Variants in MAP3K5 observed in about 807,000 individuals in gnomAD.
MAP3K5 encodes the protein ASK-1.
In MAP3K5, 56 loss-of-function variants were observed where a neutral mutation model predicts 158.7. The ratio of observed to expected loss-of-function variants is 0.35; its 90% CI spans 0.28 to 0.44. The LOEUF (loss-of-function observed/expected upper bound fraction) is 0.44. MAP3K5 is among the 20% of genes least tolerant of loss of function. The pLI is 1.00. For missense variants in MAP3K5, 1,294 were observed against 1,674.8 expected (o/e 0.77, Z 3.97); for synonymous variants, 579 against 601.7 (o/e 0.96, Z 0.55).
chr6:136,590,392 A>C (rs563185698), intron 23 of MAP3K5, among the ~76,000 whole-genome samples: 4 of 152,224 alleles, frequency 2.6e-5, no homozygotes, highest in Non-Finnish European at 4.4e-5. Flanking sequence ...TTCAGAGTAC[A>C]TATGGCCTTC....
intron 23 of MAP3K5, among the ~76,000 whole-genome samples, chr6:136,588,391 C>T (rs1367665151): frequency 6.6e-6 from 1 of 152,154 alleles, no homozygotes; most frequent in Non-Finnish European, 1.5e-5. Context: ...GCTAATAGAA[C>T]TATTGGTATA....
chr6:136,721,683 C>A (rs1781752110), intron 1 of MAP3K5, among the ~76,000 whole-genome samples: 1 of 152,108 alleles, frequency 6.6e-6, no homozygotes, highest in African/African-American at 2.4e-5. Flanking sequence ...CGAACATGCT[C>A]CAAGTACATT....
chr6:136,635,009 T>G (rs1777553274), intron 14 of MAP3K5, among the ~76,000 whole-genome samples: 1 of 151,838 alleles, frequency 6.6e-6, no homozygotes, highest in Non-Finnish European at 1.5e-5. Flanking sequence ...CTCAGCCTCC[T>G]GAGTAGCTGA....
intron 6 of MAP3K5, among the ~76,000 whole-genome samples, chr6:136,695,060 AG>A (rs1334763366): frequency 6.6e-6 from 1 of 152,036 alleles, no homozygotes; most frequent in African/African-American, 2.4e-5. Context: ...GGGAAATGGA[AG>A]GGGGGCTGCT....
chr6:136,611,396 CA>C lies in MAP3K5; in HGVS notation c.2416-10del. The C allele has an allele frequency of 6.7e-7, 1 of 1,488,264 alleles. No homozygotes were observed. Among genetic ancestry groups the C allele is most frequent in the Non-Finnish European group, 9.4e-7 (1 of 1,067,632 alleles). 92.2% of individuals were successfully genotyped at this position (1,488,264 alleles called of 1,614,324 possible). The stretch of plus-strand genomic sequence containing the variant: ...ATCAACACATTGTCACCCTAGAGAA[CA>C]GAGGACTTTAATCACAATTGTTATC... On this transcript the variant is annotated splice_polypyrimidine_tract_variant and intron_variant, in intron 17 of 29. Coordinates refer to ENST00000359015, the MANE Select transcript of MAP3K5 (RefSeq NM_005923.4).
At chr6:136,666,282 A>T (rs913093470) in intron 8 of MAP3K5, among the ~76,000 whole-genome samples, 2 of 152,244 alleles carry the variant, frequency 1.3e-5, no homozygotes. Flanking sequence ...CATGACAGTT[A>T]AGAATCATTT....
intron 7 of MAP3K5, among the ~76,000 whole-genome samples, chr6:136,675,749 G>T (rs886912908): frequency 7.2e-5 from 11 of 151,938 alleles, no homozygotes; most frequent in African/African-American, 2.2e-4. Flanking sequence ...AAGTAGAAGG[G>T]TATAATAAAG....
intron 26 of MAP3K5, among the ~76,000 whole-genome samples, chr6:136,562,901 C>T (rs1830581867): frequency 7.0e-6 from 1 of 142,738 alleles, no homozygotes; most frequent in South Asian, 2.2e-4. Flanking sequence ...GGTCTCTGAA[C>T]TCCTGGCCTC....
At chr6:136,738,944 A>G (rs1224955600) in intron 1 of MAP3K5, among the ~76,000 whole-genome samples, 1 of 34,638 alleles carries the variant, frequency 2.9e-5, no homozygotes, top group Admixed American at 2.0e-4. Context: ...ACACGCGTGC[A>G]CACACACACA....
In MAP3K5 at chr6:136,720,597, C is replaced by G; in HGVS notation, c.449-8G>C. Reference sequence around the variant, plus strand: ...TCTCCACCACCGCAATATCTGCAAACAGAAAACAAAGTCCCCCAAAGAATG... The same window carrying G: ...TCTCCACCACCGCAATATCTGCAAAGAGAAAACAAAGTCCCCCAAAGAATG... On this transcript the variant is annotated splice_polypyrimidine_tract_variant and splice_region_variant and intron_variant, in intron 1 of 29. Coordinates refer to ENST00000359015, the MANE Select transcript of MAP3K5 (RefSeq NM_005923.4). The G allele has an allele frequency of 1.2e-6, 2 of 1,602,284 alleles. No homozygotes were observed. The highest frequency in any genetic ancestry group is 1.7e-6 in the Non-Finnish European group (2 of 1,174,728).
intron 3 of MAP3K5, among the ~76,000 whole-genome samples, chr6:136,699,655 G>C (rs149327121): frequency 6.6e-6 from 1 of 152,338 alleles, no homozygotes; most frequent in Non-Finnish European, 1.5e-5. Flanking sequence ...GAGCAGGGAT[G>C]AAAGTGGAAA....
At chr6:136,641,821 C>T (rs958226157) in intron 12 of MAP3K5, among the ~76,000 whole-genome samples, 1 of 151,124 alleles carries the variant, frequency 6.6e-6, no homozygotes, top group Non-Finnish European at 1.5e-5. Flanking sequence ...AACCCTGTCT[C>T]TACTAAAATT....
intron 1 of MAP3K5, among the ~76,000 whole-genome samples, chr6:136,773,409 C>G (rs1784289383): frequency 6.6e-6 from 1 of 152,210 alleles, no homozygotes; most frequent in African/African-American, 2.4e-5. Flanking sequence ...ACCTGCTTTC[C>G]TGAAACTGCT....
chr6:136,604,151 G>A (rs192190763), intron 19 of MAP3K5, among the ~76,000 whole-genome samples: 178 of 152,082 alleles, frequency 1.2e-3, no homozygotes, highest in African/African-American at 3.7e-3. Flanking sequence ...GTGAAACCCC[G>A]TCTGTACTAA....
chr6:136,681,492 G>A (rs957298955), intron 7 of MAP3K5, among the ~76,000 whole-genome samples: 1 of 152,134 alleles, frequency 6.6e-6, no homozygotes, highest in African/African-American at 2.4e-5. Flanking sequence ...AAAATTAGCT[G>A]AGTGGTGGTG....
intron 2 of MAP3K5, among the ~76,000 whole-genome samples, chr6:136,707,851 A>G (rs1395190237): frequency 6.6e-6 from 1 of 152,264 alleles, no homozygotes; most frequent in Non-Finnish European, 1.5e-5. Context: ...TAGTACCTCC[A>G]TACACTGGAA....
chr6:136,782,611 G>A (rs1220293096), intron 1 of MAP3K5, among the ~76,000 whole-genome samples: 1 of 152,196 alleles, frequency 6.6e-6, no homozygotes, highest in Non-Finnish European at 1.5e-5. Context: ...TTTCCTCATT[G>A]TTGATGAACT....
chr6:136,593,108 AAC>A (rs1775468377), intron 21 of MAP3K5, among the ~76,000 whole-genome samples: 1 of 152,144 alleles, frequency 6.6e-6, no homozygotes, highest in African/African-American at 2.4e-5. Context: ...TTATACCTGA[AAC>A]CAGAGAAAAT....
chr6:136,727,371 G>T (rs1402836159), intron 1 of MAP3K5, among the ~76,000 whole-genome samples: 2 of 152,056 alleles, frequency 1.3e-5, no homozygotes, highest in African/African-American at 4.8e-5. Flanking sequence ...ATTATTTCAG[G>T]ACACTGAAGC....
Sources: allele counts gnomAD v4.1 joint callset (sites outside exome capture counted in the v4.1 genomes callset), GRCh38; gene constraint gnomAD v4.1.1; transcripts MANE v1.5; gene names NCBI Gene and HGNC (gene_info 2026-07-23, HGNC 2026-07-21).